ZRANB3: variants seen among roughly 807,000 people sequenced by gnomAD.
ZRANB3 encodes the protein DNA annealing helicase and endonuclease ZRANB3.
ZRANB3 carries 125 observed loss-of-function variants against 133.8 expected under a neutral mutation model. The ratio of observed to expected loss-of-function variants is 0.93; its 90% CI spans 0.81 to 1.08. The LOEUF (loss-of-function observed/expected upper bound fraction) is 1.08. Among genes scored for constraint, ZRANB3 ranks in the 50% least tolerant of loss-of-function variants. The pLI is 0.00. For missense variants in ZRANB3, 1,229 were observed against 1,275.5 expected, an observed-to-expected ratio of 0.96 and a Z score of 0.56; for synonymous variants, 387 against 432.7, an observed-to-expected ratio of 0.89 and a Z score of 1.31.
intron 8 of ZRANB3, among the ~76,000 whole-genome samples, chr2:135,278,208 T>C (rs1285773793): frequency 6.6e-6 from 1 of 152,104 alleles, no homozygotes; most frequent in African/African-American, 2.4e-5. Context: ...GACAAAGAAA[T>C]GATTCTATAA....
chr2:135,221,274 T>A (rs1279433553), intron 15 of ZRANB3, among the ~76,000 whole-genome samples: 1 of 152,100 alleles, frequency 6.6e-6, no homozygotes, highest in Non-Finnish European at 1.5e-5. Flanking sequence ...ATTATTTGGG[T>A]GATAACATTT....
chr2:135,203,228 C>A (rs892737056), intron 19 of ZRANB3, among the ~76,000 whole-genome samples: 2 of 152,062 alleles, frequency 1.3e-5, no homozygotes, highest in African/African-American at 4.8e-5. Context: ...TACCAAGACT[C>A]CTGACAGATT....
chr2:135,300,920 T>A (rs1682396194), intron 8 of ZRANB3, among the ~76,000 whole-genome samples: 1 of 152,190 alleles, frequency 6.6e-6, no homozygotes, highest in African/African-American at 2.4e-5. Context: ...TAAGAACCTT[T>A]AGAATAAATT....
At chr2:135,271,473 G>A (rs1680512678) in intron 10 of ZRANB3, 3 of 473,644 alleles carry the variant, frequency 6.3e-6, no homozygotes, top group African/African-American at 4.1e-5. Context: ...TTCAAAGGAA[G>A]GAAAAAAGGT....
intron 2 of ZRANB3, among the ~76,000 whole-genome samples, chr2:135,418,790 A>G (rs1353025220): frequency 6.6e-6 from 1 of 152,114 alleles, no homozygotes; most frequent in Non-Finnish European, 1.5e-5. Context: ...AGGGGCCCAG[A>G]GGAGCTTTTC....
intron 6 of ZRANB3, among the ~76,000 whole-genome samples, chr2:135,343,010 CAAAAAAAAAAAAAA>C (rs11435525): frequency 3.6e-5 from 2 of 55,232 alleles, no homozygotes; most frequent in African/African-American, 8.8e-5. Context: ...ACTAAAAATC[CAAAAAAAAAAAAAA>C]AAAAAAAAAA....
chr2:135,349,525 A>G (rs2104872031), intron 5 of ZRANB3, among the ~76,000 whole-genome samples: 1 of 152,316 alleles, frequency 6.6e-6, no homozygotes, highest in East Asian at 1.9e-4. Context: ...TCTGGTCTGC[A>G]CGTAAGTTTT....
At chr2:135,274,707 A>C (rs1389460342) in intron 9 of ZRANB3, among the ~76,000 whole-genome samples, 1 of 152,058 alleles carries the variant, frequency 6.6e-6, no homozygotes, top group Non-Finnish European at 1.5e-5. Context: ...ACAATAGTGG[A>C]GGGAAGGTCA....
At chr2:135,431,351 T>C (rs1272441957) in intron 2 of ZRANB3, among the ~76,000 whole-genome samples, 3 of 150,564 alleles carry the variant, frequency 2.0e-5, no homozygotes, top group African/African-American at 7.3e-5. Flanking sequence ...GATTATATAT[T>C]ACCAAATATT....
At chr2:135,404,208 A>AG (rs1210627976) in intron 2 of ZRANB3, among the ~76,000 whole-genome samples, 1 of 152,176 alleles carries the variant, frequency 6.6e-6, no homozygotes, top group Non-Finnish European at 1.5e-5. Flanking sequence ...CCTTGAAAAA[A>AG]ATTAGACGCA....
chr2:135,413,820 G>C (rs1688426996), intron 2 of ZRANB3, among the ~76,000 whole-genome samples: 1 of 152,026 alleles, frequency 6.6e-6, no homozygotes, highest in Non-Finnish European at 1.5e-5. Context: ...TTAAAGAAAA[G>C]AATTTTCAAC....
chr2:135,293,523 C>T (rs1312914274), intron 8 of ZRANB3, among the ~76,000 whole-genome samples: 20 of 152,062 alleles, frequency 1.3e-4, no homozygotes, highest in Non-Finnish European at 2.2e-4. Flanking sequence ...TCTAGATATA[C>T]AATCATGTCA....
intron 9 of ZRANB3, among the ~76,000 whole-genome samples, chr2:135,272,653 T>G (rs1485430822): frequency 6.6e-6 from 1 of 151,850 alleles, no homozygotes; most frequent in East Asian, 1.9e-4. Flanking sequence ...GACCTCGTGA[T>G]TCCCCCGCCT....
chr2:135,399,427 G>A (rs1302842350), intron 2 of ZRANB3, among the ~76,000 whole-genome samples: 2 of 152,120 alleles, frequency 1.3e-5, no homozygotes, highest in Non-Finnish European at 2.9e-5. Context: ...AATGTTATAG[G>A]AAATAAGATC....
chr2:135,443,189 C>T (rs947432913), intron 2 of ZRANB3, among the ~76,000 whole-genome samples: 2 of 151,572 alleles, frequency 1.3e-5, no homozygotes, highest in African/African-American at 4.8e-5. Context: ...GAATACTATG[C>T]AGCCATAAAA....
chr2:135,246,770 C>A (rs1309217671), intron 12 of ZRANB3, among the ~76,000 whole-genome samples: 2 of 152,166 alleles, frequency 1.3e-5, no homozygotes, highest in African/African-American at 4.8e-5. Context: ...AAAAATACTG[C>A]TTTTGGTGAG....
At chr2:135,467,212 G>A (rs1221548634) in intron 2 of ZRANB3, among the ~76,000 whole-genome samples, 1 of 152,142 alleles carries the variant, frequency 6.6e-6, no homozygotes, top group East Asian at 1.9e-4. Flanking sequence ...AATGAGCAGA[G>A]CATTATCTCA....
At chr2:135,493,543 G>T (rs1024357980) in intron 2 of ZRANB3, among the ~76,000 whole-genome samples, 6 of 151,944 alleles carry the variant, frequency 3.9e-5, no homozygotes, top group Non-Finnish European at 8.8e-5. Flanking sequence ...ACTATATAAG[G>T]ATGATCTGTA....
chr2:135,408,816 G>T lies in ZRANB3; in HGVS notation c.162-17996C>A, dbSNP rs564884876. On this transcript the variant is annotated intron_variant, in intron 2 of 20. Coordinates refer to ENST00000264159, the MANE Select transcript of ZRANB3 (RefSeq NM_032143.4). ...CAGGAAGGGGAACATCACACACTGG[G>T]GCCTGTTGTGGGGTCGGGGGATGGG... Among the ~76,000 whole-genome samples, 3 of 152,056 alleles carry T rather than the reference G, an allele frequency of 2.0e-5. No homozygotes were observed. In the East Asian group the frequency reaches 5.8e-4, roughly 29 times the overall value.
Sources: gnomAD v4.1 joint callset for allele counts (sites outside exome capture counted in the v4.1 genomes callset) on GRCh38, gnomAD v4.1.1 for gene constraint, MANE v1.5 for transcripts, NCBI Gene and HGNC (gene_info 2026-07-23, HGNC 2026-07-21) for gene names.